The following GPC6 variants were observed in gnomAD, a reference collection of about 807,000 sequenced individuals.
GPC6 encodes glypican-6.
In GPC6, 14 loss-of-function variants were observed where a neutral mutation model predicts 55.2. That is an observed-to-expected ratio of 0.25 (90% CI 0.17 to 0.40). The LOEUF is 0.40. GPC6 is among the 10% of genes least tolerant of loss of function. The pLI is 1.00. For synonymous variants in GPC6, 278 were observed against 259.6 expected (o/e 1.07, Z -0.68); for missense variants, 641 against 708.5 (o/e 0.90, Z 1.08).
intron 4 of GPC6, among the ~76,000 whole-genome samples, chr13:94,143,025 C>T (rs1356739335): frequency 6.6e-6 from 1 of 151,774 alleles, no homozygotes; most frequent in Non-Finnish European, 1.5e-5. Flanking sequence ...GACGGGTTCA[C>T]CATGTTGGTC....
chr13:93,831,823 G>T (rs1421895080), intron 3 of GPC6, among the ~76,000 whole-genome samples: 3 of 151,458 alleles, frequency 2.0e-5, no homozygotes, highest in South Asian at 4.2e-4. Context: ...GGGCGCGGTG[G>T]CTCACATCTG....
At chr13:93,936,673 T>C (rs1878449888) in intron 3 of GPC6, among the ~76,000 whole-genome samples, 1 of 152,124 alleles carries the variant, frequency 6.6e-6, no homozygotes, top group African/African-American at 2.4e-5. Flanking sequence ...AAAAATGAAA[T>C]GGCTTATTTA....
intron 7 of GPC6, among the ~76,000 whole-genome samples, chr13:94,395,247 C>T (rs1393460156): frequency 6.6e-6 from 1 of 152,120 alleles, no homozygotes; most frequent in African/African-American, 2.4e-5. Context: ...CAGGATCAAA[C>T]AGGAATTTAT....
intron 6 of GPC6, among the ~76,000 whole-genome samples, chr13:94,356,700 TGGA>T (rs2139175178): frequency 6.6e-6 from 1 of 152,034 alleles, no homozygotes; most frequent in East Asian, 1.9e-4. Context: ...AGGGAGCACG[TGGA>T]AAGGGAAATA....
chr13:93,792,867 A>G (rs1023017864), intron 2 of GPC6, among the ~76,000 whole-genome samples: 3 of 152,178 alleles, frequency 2.0e-5, no homozygotes, highest in African/African-American at 7.2e-5. Context: ...GAAAGGACAT[A>G]TGCCCCACAT....
intron 1 of GPC6, among the ~76,000 whole-genome samples, chr13:93,447,515 A>G (rs1878053313): frequency 6.6e-6 from 1 of 152,164 alleles, no homozygotes. Flanking sequence ...GAGGAAATCA[A>G]TCCCTTTTCT....
At chr13:93,857,301 T>C (rs554500665) in intron 3 of GPC6, among the ~76,000 whole-genome samples, 1 of 151,542 alleles carries the variant, frequency 6.6e-6, no homozygotes, top group South Asian at 2.1e-4. Context: ...TGACAAACCA[T>C]AAAAATATCA....
chr13:93,251,034 C>T (rs1006788458), intron 1 of GPC6, among the ~76,000 whole-genome samples: 1 of 152,076 alleles, frequency 6.6e-6, no homozygotes, highest in Non-Finnish European at 1.5e-5. Flanking sequence ...CATCAGATCT[C>T]GTGAGACTTA....
intron 3 of GPC6, among the ~76,000 whole-genome samples, chr13:94,000,936 T>G (rs1881770546): frequency 6.6e-6 from 1 of 152,132 alleles, no homozygotes; most frequent in South Asian, 2.1e-4. Flanking sequence ...ATAGTTTTCT[T>G]GGGATGCTTA....
intron 5 of GPC6, among the ~76,000 whole-genome samples, chr13:94,286,780 G>T (rs1327469048): frequency 1.3e-5 from 2 of 152,114 alleles, no homozygotes; most frequent in African/African-American, 4.8e-5. Flanking sequence ...AATTTGGGGG[G>T]AATTTTCTTT....
chr13:94,308,074 C>A (rs1876045175), intron 6 of GPC6, among the ~76,000 whole-genome samples: 1 of 152,172 alleles, frequency 6.6e-6, no homozygotes, highest in South Asian at 2.1e-4. Context: ...TTTAAAAGAA[C>A]TGGGTACATT....
At chr13:93,266,335 C>G (rs954578055) in intron 1 of GPC6, among the ~76,000 whole-genome samples, 2 of 152,088 alleles carry the variant, frequency 1.3e-5, no homozygotes, top group Admixed American at 1.3e-4. Context: ...GCACTAACAG[C>G]ATGATTTGCT....
intron 2 of GPC6, among the ~76,000 whole-genome samples, chr13:93,669,191 C>A (rs1007517331): frequency 1.3e-5 from 2 of 151,758 alleles, no homozygotes; most frequent in African/African-American, 2.4e-5. Flanking sequence ...ATAACAGGAC[C>A]ATTTTTTTCA....
intron 4 of GPC6, among the ~76,000 whole-genome samples, chr13:94,182,835 G>T (rs1478327311): frequency 1.3e-5 from 2 of 152,182 alleles, no homozygotes; most frequent in South Asian, 2.1e-4. Flanking sequence ...TCCGTCAGTG[G>T]CACAAACAGG....
At chr13:93,962,595 AGGTGTT>A (rs1555344771) in intron 3 of GPC6, among the ~76,000 whole-genome samples, 17 of 152,142 alleles carry the variant, frequency 1.1e-4, no homozygotes, top group Non-Finnish European at 2.1e-4. Flanking sequence ...ATACTTATAT[AGGTGTT>A]AGTTATTCTT....
intron 1 of GPC6, among the ~76,000 whole-genome samples, chr13:93,264,985 GGAT>G (rs1877276801): frequency 6.6e-6 from 1 of 152,074 alleles, no homozygotes; most frequent in African/African-American, 2.4e-5. Context: ...ACTTCATAAA[GGAT>G]GATAAGAAAA....
chr13:94,367,132 G>A (rs1408088039), intron 6 of GPC6, among the ~76,000 whole-genome samples: 2 of 152,214 alleles, frequency 1.3e-5, no homozygotes, highest in Non-Finnish European at 2.9e-5. Flanking sequence ...AAATGAGCCT[G>A]TCAAGAATGC....
In GPC6 at chr13:94,306,064, A is replaced by T; in HGVS notation, c.1093A>T (p.Arg365Trp). Residue 365 changes from arginine (R) to tryptophan (W), a missense_variant, in exon 6 of 9, where the codon AGG becomes TGG. Coordinates refer to ENST00000377047, the MANE Select transcript of GPC6 (RefSeq NM_005708.5). ...TCCTGAAAATTTTAATACACGTTTC[A>T]GGCCCTACAATCCTGAGGAAAGACC... is the stretch of plus-strand genomic sequence containing the variant. ...SAPENFNTRFRPYNPEERPTT... is the reference protein window; with the variant it reads ...SAPENFNTRFWPYNPEERPTT... The T allele has an allele frequency of 6.2e-7, 1 of 1,614,164 alleles. No homozygotes were observed. Among genetic ancestry groups the T allele is most frequent in the Non-Finnish European group, 8.5e-7 (1 of 1,180,010 alleles).
intron 4 of GPC6, among the ~76,000 whole-genome samples, chr13:94,072,904 G>A (rs1182779019): frequency 6.6e-6 from 1 of 152,198 alleles, no homozygotes; most frequent in Non-Finnish European, 1.5e-5. Flanking sequence ...CAATATGTGG[G>A]AGCAAGATGA....
Sources: gnomAD v4.1 joint callset for allele counts (sites outside exome capture counted in the v4.1 genomes callset) on GRCh38, gnomAD v4.1.1 for gene constraint, MANE v1.5 for transcripts, NCBI Gene and HGNC (gene_info 2026-07-23, HGNC 2026-07-21) for gene names.